The following TMPRSS15 variants were observed in gnomAD, a reference collection of about 807,000 sequenced individuals.
The protein encoded by TMPRSS15 is enteropeptidase.
A neutral mutation model predicts 125.3 loss-of-function variants in TMPRSS15; 128 were observed. That is an observed-to-expected ratio of 1.02 (90% confidence interval 0.89 to 1.18). The LOEUF is 1.18. Among genes scored for constraint, TMPRSS15 ranks in the 50% most tolerant of loss-of-function variants. The pLI, the probability that TMPRSS15 is intolerant of heterozygous loss-of-function variation, is 0.00. For missense variants in TMPRSS15, 1,283 were observed against 1,212.7 expected (o/e 1.06, Z -0.86); for synonymous variants, 446 against 423.2 (o/e 1.05, Z -0.66).
At chr21:18,399,687 T>C (rs1477364593) in intron 1 of TMPRSS15, among the ~76,000 whole-genome samples, 1 of 152,126 alleles carries the variant, frequency 6.6e-6, no homozygotes, top group East Asian at 1.9e-4. Context: ...TTGTGACAAT[T>C]GTACTGTGGA....
intron 1 of TMPRSS15, among the ~76,000 whole-genome samples, chr21:18,461,358 G>A (rs2122952513): frequency 5.9e-5 from 9 of 152,024 alleles, no homozygotes; most frequent in Non-Finnish European, 1.3e-4. Context: ...CTCCTTGACT[G>A]TAGCACTCAC....
At chr21:18,440,820 T>G (rs1392550288) in intron 1 of TMPRSS15, among the ~76,000 whole-genome samples, 1 of 152,218 alleles carries the variant, frequency 6.6e-6, no homozygotes, top group Non-Finnish European at 1.5e-5. Context: ...TCTTTAAAGG[T>G]CTGATTTAAA....
At position 18,332,155 on chromosome 21, in the gene TMPRSS15, A is replaced by G. The variant is rs778213155; in HGVS notation, c.1583T>C (p.Phe528Ser). ...TGTTGTATTTGGCTCCCACAGCTCA[A>G]AAGGTCCTCCACAGTCCGCTGAAAA... Reference protein sequence around the residue: ...PELPTDCGGPFELWEPNTTFS... With the variant: ...PELPTDCGGPSELWEPNTTFS... The change falls in exon 14 of 25, where the codon TTT becomes TCT. Residue 528 changes from phenylalanine to serine, a missense_variant. Phe to Ser is a radical substitution (Grantham distance 155, BLOSUM62 -2). Coordinates refer to ENST00000284885, the MANE Select transcript of TMPRSS15 (RefSeq NM_002772.3). The G allele has an allele frequency of 1.2e-6, 2 of 1,614,008 alleles. No homozygotes were observed. The highest frequency in any genetic ancestry group is 1.3e-5 in the African/African-American group (1 of 74,922).
chr21:18,412,048 G>A (rs2076167287), intron 1 of TMPRSS15, among the ~76,000 whole-genome samples: 1 of 152,096 alleles, frequency 6.6e-6, no homozygotes, highest in Admixed American at 6.5e-5. Flanking sequence ...CCAATCAGCT[G>A]CTAGTTTAGA....
In TMPRSS15 at chr21:18,372,222, T is replaced by A; in HGVS notation, c.635A>T (p.Asp212Val). The A allele has an allele frequency of 6.2e-7, 1 of 1,610,878 alleles. No individual in the cohort carries two copies. Among genetic ancestry groups the A allele is most frequent in the Non-Finnish European group, 8.5e-7 (1 of 1,178,072 alleles). Residue 212 changes from aspartate (D) to valine (V), a missense_variant, in exon 6 of 25, where the codon GAT becomes GTT. Coordinates refer to ENST00000284885, the MANE Select transcript of TMPRSS15 (RefSeq NM_002772.3). ...CATTTTATTGTCTTCGTCAGAACCA[T>A]CTGGACAGTTTACTTCTCCATCACA... ...LFCDGEVNCP[D>V]GSDEDNKMCA...
At chr21:18,410,116 ATT>A (rs71191404) in intron 1 of TMPRSS15, among the ~76,000 whole-genome samples, 50 of 138,616 alleles carry the variant, frequency 3.6e-4, no homozygotes, top group African/African-American at 1.0e-3. Flanking sequence ...CTGGATATGC[ATT>A]TTTTTTTTTT....
intron 1 of TMPRSS15, among the ~76,000 whole-genome samples, chr21:18,438,050 A>C (rs2076232021): frequency 6.6e-6 from 1 of 151,666 alleles, no homozygotes; most frequent in African/African-American, 2.4e-5. Context: ...GGCACTATTC[A>C]CAATAGCAAA....
At chr21:18,383,838 C>T in intron 3 of TMPRSS15, 60 bp from the exon 4 acceptor site, 1 of 1,566,862 alleles carries the variant, frequency 6.4e-7, no homozygotes, top group African/African-American at 1.3e-5. Context: ...GATTTGTGTT[C>T]AATTCATGTT....
chr21:18,395,519 G>A (rs993915709), intron 3 of TMPRSS15, among the ~76,000 whole-genome samples: 3 of 152,202 alleles, frequency 2.0e-5, no homozygotes, highest in African/African-American at 7.2e-5. Flanking sequence ...GTGATCTTCT[G>A]ATTAGTACTG....
At chr21:18,403,356 A>T in intron 1 of TMPRSS15, 122 bp downstream of exon 1, 2 of 1,325,318 alleles carry the variant, frequency 1.5e-6, no homozygotes, top group East Asian at 2.3e-5. Flanking sequence ...GAAATATTAG[A>T]TTGAAAGCCC....
At chr21:18,316,984 G>A (rs950109729) in intron 16 of TMPRSS15, among the ~76,000 whole-genome samples, 5 of 152,102 alleles carry the variant, frequency 3.3e-5, no homozygotes, top group African/African-American at 1.2e-4. Context: ...CATGGCACGT[G>A]AACAATCATA....
rs150065754 is a variant in TMPRSS15, at chr21:18,459,860, A to T, written c.10+25939T>A. On this transcript the variant is annotated intron_variant, in intron 1 of 7. Transcript: ENST00000422787. The stretch of plus-strand genomic sequence containing the variant: ...TATTTTGATTATCTAAAATTGGCTC[A>T]GAGAAGTTTTGTAATTTTCAGTGTA... Among the ~76,000 whole-genome samples, 858 of 152,298 alleles carry T rather than the reference A, an allele frequency of 5.6e-3. 7 individuals are homozygous for T. Among genetic ancestry groups the T allele is most frequent in the African/African-American group, 0.019 (772 of 41,570 alleles).
intron 13 of TMPRSS15, among the ~76,000 whole-genome samples, chr21:18,339,402 T>C (rs1444123182): frequency 1.3e-5 from 2 of 152,206 alleles, no homozygotes; most frequent in African/African-American, 2.4e-5. Flanking sequence ...ATCCTTTTCA[T>C]TGTTAAAGCC....
intron 1 of TMPRSS15, among the ~76,000 whole-genome samples, chr21:18,473,594 T>A (rs1978820789): frequency 6.6e-6 from 1 of 152,110 alleles, no homozygotes; most frequent in African/African-American, 2.4e-5. Context: ...CAGGGTTACC[T>A]GTTTTCACAT....
intron 1 of TMPRSS15, among the ~76,000 whole-genome samples, chr21:18,411,630 C>T (rs532025589): frequency 2.6e-5 from 4 of 152,112 alleles, no homozygotes; most frequent in African/African-American, 4.8e-5. Context: ...TTTTATCCTC[C>T]TCTTGTCTGA....
chr21:18,461,473 A>T lies in TMPRSS15; in HGVS notation c.10+24326T>A, dbSNP rs2122952566. 8.9e-3 allele frequency among the ~76,000 whole-genome samples: 1,330 copies of T among 149,018 alleles called. 18 individuals are homozygous for T. Among genetic ancestry groups the T allele is most frequent in the African/African-American group, 0.03 (1,219 of 40,326 alleles). On this transcript the variant is annotated intron_variant, in intron 1 of 7. Transcript: ENST00000422787. ...GTAACAACTTAATAAAGCAGGATTT[A>T]AAAAAAAAATAAATGCACTGTATGA...
intron 6 of TMPRSS15, among the ~76,000 whole-genome samples, chr21:18,367,767 A>G (rs1748853400): frequency 6.6e-6 from 1 of 152,218 alleles, no homozygotes; most frequent in Non-Finnish European, 1.5e-5. Context: ...AATTTGCATA[A>G]CAACTCTATG....
chr21:18,381,467 C>T (rs915111251), intron 4 of TMPRSS15, among the ~76,000 whole-genome samples: 1 of 152,058 alleles, frequency 6.6e-6, no homozygotes, highest in African/African-American at 2.4e-5. Context: ...TCACATGATA[C>T]AAATGGATAT....
chr21:18,336,795 C>T (rs1257459196), intron 13 of TMPRSS15, among the ~76,000 whole-genome samples: 2 of 152,146 alleles, frequency 1.3e-5, no homozygotes, highest in African/African-American at 2.4e-5. Flanking sequence ...CTCAGGCTTC[C>T]GAGTAGCTTG....
Sources: gnomAD v4.1 joint callset for allele counts (sites outside exome capture counted in the v4.1 genomes callset) on GRCh38, gnomAD v4.1.1 for gene constraint, MANE v1.5 for transcripts, NCBI Gene and HGNC (gene_info 2026-07-23, HGNC 2026-07-21) for gene names.